The following AK5 variants were observed in gnomAD, a reference collection of about 807,000 sequenced individuals.
AK5 encodes adenylate kinase 5.
A neutral mutation model predicts 69.5 loss-of-function variants in AK5; 27 were observed. The ratio of observed to expected loss-of-function variants is 0.39; its 90% CI spans 0.29 to 0.54. The LOEUF is 0.54. Among genes scored for constraint, AK5 ranks in the 20% least tolerant of loss-of-function variants. The pLI is 0.71. For synonymous variants in AK5, 260 were observed against 244.4 expected, an observed-to-expected ratio of 1.06 and a Z score of -0.60; for missense variants, 531 against 700.4, an observed-to-expected ratio of 0.76 and a Z score of 2.73.
At chr1:77,310,145 T>C (rs999272960) in intron 5 of AK5, among the ~76,000 whole-genome samples, 1 of 152,168 alleles carries the variant, frequency 6.6e-6, no homozygotes, top group African/African-American at 2.4e-5. Flanking sequence ...ATTGCATGTT[T>C]TGAATGGAAA....
Position 77,552,277 on chromosome 1 carries a change from G to T in AK5, c.1621-6325G>T, listed in dbSNP as rs551706419. On this transcript the variant is annotated intron_variant, in intron 13 of 13. Coordinates refer to ENST00000354567, the MANE Select transcript of AK5 (RefSeq NM_174858.3). ...TGACTATAAATTCCCACTTGCCCAC[G>T]CTGTATTCAGAGTTGAATCCCATCC... is the stretch of plus-strand genomic sequence containing the variant. 7.9e-5 allele frequency among the ~76,000 whole-genome samples: 12 copies of T among 152,106 alleles called. No homozygotes were observed. The South Asian group carries it at 1.9e-3, about 24-fold the overall frequency.
chr1:77,359,044 A>G (rs1646805165), intron 6 of AK5, among the ~76,000 whole-genome samples: 1 of 151,944 alleles, frequency 6.6e-6, no homozygotes, highest in African/African-American at 2.4e-5. Flanking sequence ...TCACGAGGTC[A>G]GGAGATCGAG....
At chr1:77,423,239 A>AAAAAAG (rs1352691974) in intron 8 of AK5, among the ~76,000 whole-genome samples, 43 of 148,362 alleles carry the variant, frequency 2.9e-4, no homozygotes, top group Non-Finnish European at 5.0e-4. Context: ...AATAAAAAAA[A>AAAAAAG]AAGAAGAACT....
intron 6 of AK5, among the ~76,000 whole-genome samples, chr1:77,391,419 ATG>A (rs374595851): frequency 0.011 from 1,349 of 127,496 alleles, 30 homozygotes; most frequent in Middle Eastern, 0.03. Flanking sequence ...ACACATATAT[ATG>A]TATATATATA....
intron 10 of AK5, among the ~76,000 whole-genome samples, chr1:77,488,848 A>C (rs1655777054): frequency 6.6e-6 from 1 of 152,210 alleles, no homozygotes; most frequent in Non-Finnish European, 1.5e-5. Flanking sequence ...CCTTTTGGCA[A>C]CAGCCTCACA....
intron 6 of AK5, among the ~76,000 whole-genome samples, chr1:77,351,981 G>T (rs1162232908): frequency 6.7e-6 from 1 of 148,888 alleles, no homozygotes; most frequent in South Asian, 2.1e-4. Context: ...CCAGGCTGGA[G>T]TGCAGTGGTG....
In AK5 at chr1:77,415,089, G is replaced by A. The variant is rs545080581; in HGVS notation, c.983-2550G>A. Among the ~76,000 whole-genome samples the A allele has an allele frequency of 3.0e-4, 45 of 152,108 alleles. No homozygotes were observed. The South Asian group carries it at 3.9e-3, about 13-fold the overall frequency. On this transcript the variant is annotated intron_variant, in intron 7 of 13. Transcript: ENST00000354567. Reference sequence around the variant, plus strand: ...GTTGAAAGCATCTTATTGCAACAGAGGGAGACTCTGTCAAAAAAAAACAAC... The same window carrying A: ...GTTGAAAGCATCTTATTGCAACAGAAGGAGACTCTGTCAAAAAAAAACAAC...
At chr1:77,406,773 T>A (rs1649686772) in intron 6 of AK5, among the ~76,000 whole-genome samples, 1 of 149,940 alleles carries the variant, frequency 6.7e-6, no homozygotes, top group South Asian at 2.1e-4. Flanking sequence ...CTTGGAATAG[T>A]GCCAGTGTCC....
intron 6 of AK5, among the ~76,000 whole-genome samples, chr1:77,352,474 C>T (rs1401513995): frequency 6.6e-6 from 1 of 152,158 alleles, no homozygotes; most frequent in African/African-American, 2.4e-5. Context: ...GAGGATCCCT[C>T]AGTTAATGAC....
chr1:77,467,349 C>T (rs1654205155), intron 8 of AK5, among the ~76,000 whole-genome samples: 1 of 152,200 alleles, frequency 6.6e-6, no homozygotes, highest in Non-Finnish European at 1.5e-5. Context: ...GCATTCACAA[C>T]AATGAGAATT....
chr1:77,470,860 TATATATATATA>T (rs1557615791), intron 8 of AK5, among the ~76,000 whole-genome samples: 57 of 3,394 alleles, frequency 0.017, 5 homozygotes, highest in Non-Finnish European at 0.021. Flanking sequence ...TATATATATA[TATATATATATA>T]TATATTTTTT....
chr1:77,555,377 C>T (rs1474132334), intron 13 of AK5, among the ~76,000 whole-genome samples: 1 of 152,206 alleles, frequency 6.6e-6, no homozygotes, highest in Non-Finnish European at 1.5e-5. Context: ...CCTGTCCCTA[C>T]AATTCCAGCT....
intron 10 of AK5, among the ~76,000 whole-genome samples, chr1:77,506,681 A>G (rs994343009): frequency 1.3e-5 from 2 of 152,184 alleles, no homozygotes; most frequent in South Asian, 2.1e-4. Flanking sequence ...CATAGATGAA[A>G]TCACATCCCT....
chr1:77,284,590 ACTTT>A (rs1293411849), intron 1 of AK5, among the ~76,000 whole-genome samples: 1 of 152,160 alleles, frequency 6.6e-6, no homozygotes, highest in African/African-American at 2.4e-5. Context: ...TTTTAAACCC[ACTTT>A]CTTATTATTT....
At chr1:77,434,031 G>A (rs923955014) in intron 8 of AK5, among the ~76,000 whole-genome samples, 4 of 150,922 alleles carry the variant, frequency 2.7e-5, no homozygotes, top group African/African-American at 9.7e-5. Context: ...ACTCAAACCA[G>A]TAACCGTGGA....
chr1:77,513,853 A>G (rs925491812), intron 10 of AK5, among the ~76,000 whole-genome samples: 2 of 152,188 alleles, frequency 1.3e-5, no homozygotes, highest in African/African-American at 4.8e-5. Flanking sequence ...TGCTCCTGTC[A>G]ATACAAAGCA....
chr1:77,471,083 C>T (rs1282810789), intron 8 of AK5, among the ~76,000 whole-genome samples: 4 of 150,860 alleles, frequency 2.7e-5, no homozygotes, highest in South Asian at 4.2e-4. Flanking sequence ...GTGGTTTCAC[C>T]GTGTTAGCCA....
intron 5 of AK5, among the ~76,000 whole-genome samples, chr1:77,326,182 T>G (rs866669358): frequency 1.3e-4 from 20 of 152,184 alleles, no homozygotes; most frequent in African/African-American, 2.9e-4. Flanking sequence ...CTCTCTGAGA[T>G]AAGCGGAGAG....
chr1:77,372,742 T>C (rs547897420), intron 6 of AK5, among the ~76,000 whole-genome samples: 100 of 150,528 alleles, frequency 6.6e-4, no homozygotes, highest in African/African-American at 2.3e-3. Flanking sequence ...CATTTTGGTG[T>C]TCTTTCTAAA....
Sources: gnomAD v4.1 joint callset for allele counts (sites outside exome capture counted in the v4.1 genomes callset) on GRCh38, gnomAD v4.1.1 for gene constraint, MANE v1.5 for transcripts, NCBI Gene and HGNC (gene_info 2026-07-23, HGNC 2026-07-21) for gene names.